KALRN: variants seen among roughly 807,000 people sequenced by gnomAD.
The protein encoded by KALRN is kalirin.
Under a neutral mutation model 353.7 loss-of-function variants are expected in KALRN, and 70 were observed. The observed-to-expected ratio is 0.20, with a 90% confidence interval of 0.16 to 0.24. The LOEUF is 0.24. KALRN is among the 10% of genes least tolerant of loss of function. The pLI, the probability that KALRN is intolerant of heterozygous loss-of-function variation, is 1.00. For missense variants in KALRN, 2,791 were observed against 3,756.7 expected, an observed-to-expected ratio of 0.74 and a Z score of 6.72; for synonymous variants, 1,391 against 1,434.8, an observed-to-expected ratio of 0.97 and a Z score of 0.69.
At position 124,719,708 on chromosome 3, in the gene KALRN, A is replaced by C. The variant is rs757043525; in HGVS notation, c.*238A>C. ...GAAATAAAGAGGCAAAGGGTCACAG[A>C]AGTGTTCAGAAGAAGGGCAAAGATA... On this transcript the variant is annotated 3_prime_UTR_variant, in exon 60 of 60. Coordinates refer to ENST00000682506, the MANE Select transcript of KALRN (RefSeq NM_001388419.1). This position sits in a 1 kb window ranked among gnomAD's most constrained non-coding sequence, Gnocchi z 5.3. 2.1e-6 allele frequency: 1 copy of C among 469,472 alleles called. No individual in the cohort carries two copies. The highest frequency in any genetic ancestry group is 3.8e-6 in the Non-Finnish European group (1 of 261,488). The allele number at this position is 469,472 out of a possible 1,614,324, so 29.1% of individuals were successfully genotyped here. A position where few individuals can be genotyped will look rare whatever the true frequency, so the allele number is the denominator to read the frequency against.
chr3:124,668,694 T>C (rs1161078615), intron 47 of KALRN, among the ~76,000 whole-genome samples: 1 of 152,232 alleles, frequency 6.6e-6, no homozygotes, highest in African/African-American at 2.4e-5. Flanking sequence ...CTAAGTGATC[T>C]CTAGGATTCT....
intron 1 of KALRN, among the ~76,000 whole-genome samples, chr3:124,215,644 G>A (rs954675094): frequency 6.6e-6 from 1 of 152,322 alleles, no homozygotes; most frequent in East Asian, 1.9e-4. Context: ...CAGAGACCCA[G>A]AGAGATTAAG....
At chr3:124,054,849 ATTTAAG>A (rs1402548185) in intron 1 of KALRN, among the ~76,000 whole-genome samples, 3 of 152,208 alleles carry the variant, frequency 2.0e-5, no homozygotes, top group Non-Finnish European at 2.9e-5. Flanking sequence ...CATTGGTTAA[ATTTAAG>A]TTTAACTTTG....
At chr3:124,433,095 G>A (rs1411926309) in intron 16 of KALRN, among the ~76,000 whole-genome samples, 1 of 152,170 alleles carries the variant, frequency 6.6e-6, no homozygotes, top group Admixed American at 6.5e-5. Context: ...CAAAGGGAGT[G>A]AAAGCAGTTG....
chr3:124,383,334 C>G (rs1417657700), intron 10 of KALRN, among the ~76,000 whole-genome samples: 9 of 152,208 alleles, frequency 5.9e-5, no homozygotes, highest in Non-Finnish European at 1.3e-4. Context: ...CACCACGAGA[C>G]TGTGACTTAG....
At chr3:124,371,852 A>G (rs1156713105) in intron 10 of KALRN, among the ~76,000 whole-genome samples, 2 of 152,192 alleles carry the variant, frequency 1.3e-5, no homozygotes, top group African/African-American at 4.8e-5. Flanking sequence ...TACTGACTAT[A>G]GTCATCCTAT....
intron 2 of KALRN, among the ~76,000 whole-genome samples, chr3:124,233,516 A>T (rs2079414835): frequency 1.3e-5 from 2 of 152,166 alleles, no homozygotes; most frequent in African/African-American, 2.4e-5. Context: ...ACACTTTTTC[A>T]TCAGGGCTGA....
Position 124,186,705 on chromosome 3 carries a change from G to A in KALRN, c.74-41285G>A, listed in dbSNP as rs114120164. On this transcript the variant is annotated intron_variant, in intron 1 of 59. Transcript: ENST00000682506. ...CAATAAACATGTTCCTCTTTCCCTA[G>A]GAGTAAAAACCCTCTCACAGTTCCC... 1.5e-3 allele frequency among the ~76,000 whole-genome samples: 229 copies of A among 152,266 alleles called. 3 individuals carry two copies. The highest frequency in any genetic ancestry group is 3.4e-3 in the Middle Eastern group (1 of 294).
chr3:124,611,870 A>G lies in KALRN; in HGVS notation c.5183-20550A>G, dbSNP rs77643554. Among the ~76,000 whole-genome samples, 735 of 152,300 alleles carry G rather than the reference A, an allele frequency of 4.8e-3. 2 individuals are homozygous for G. The highest frequency in any genetic ancestry group is 8.1e-3 in the Non-Finnish European group (549 of 68,028). ...CTGCCTTAGGATTTCTGCATAGTCTATGACCTTGGTAGAAAGCCTTATTTC... is the reference window on the plus strand; with the variant it reads ...CTGCCTTAGGATTTCTGCATAGTCTGTGACCTTGGTAGAAAGCCTTATTTC... On this transcript the variant is annotated intron_variant, in intron 34 of 59. Coordinates refer to ENST00000682506, the MANE Select transcript of KALRN (RefSeq NM_001388419.1).
At chr3:124,379,896 C>G (rs1012326510) in intron 10 of KALRN, among the ~76,000 whole-genome samples, 1 of 152,174 alleles carries the variant, frequency 6.6e-6, no homozygotes, top group South Asian at 2.1e-4. Context: ...AATGCCTATG[C>G]TTTTGTGTCT....
chr3:124,605,217 A>T (rs2077209008), intron 34 of KALRN, among the ~76,000 whole-genome samples: 1 of 151,708 alleles, frequency 6.6e-6, no homozygotes, highest in African/African-American at 2.4e-5. Context: ...AAGTTCTGAG[A>T]TTACAGGCAT....
At chr3:124,662,291 C>T (rs1334363593) in intron 45 of KALRN, among the ~76,000 whole-genome samples, 1 of 149,696 alleles carries the variant, frequency 6.7e-6, no homozygotes, top group African/African-American at 2.5e-5. Context: ...GCAGCCTCAG[C>T]CTCCTGGGCT....
intron 10 of KALRN, among the ~76,000 whole-genome samples, chr3:124,362,615 A>G (rs2084179438): frequency 6.6e-6 from 1 of 152,252 alleles, no homozygotes; most frequent in Admixed American, 6.5e-5. Context: ...CTATAATTAC[A>G]TATCTCCATG....
chr3:124,133,041 C>T (rs60763759), intron 1 of KALRN: 2,650 of 153,776 alleles, frequency 0.017, 63 homozygotes, highest in African/African-American at 0.059. Context: ...ACAGCACGGC[C>T]TTGAGGCAGC....
intron 9 of KALRN, among the ~76,000 whole-genome samples, chr3:124,342,428 G>T (rs569215511): frequency 7.9e-5 from 12 of 152,198 alleles, no homozygotes; most frequent in African/African-American, 2.9e-4. Flanking sequence ...TTCTGTACTT[G>T]ACTTGTTTTA....
At chr3:124,605,643 C>T (rs1382142902) in intron 34 of KALRN, among the ~76,000 whole-genome samples, 1 of 150,648 alleles carries the variant, frequency 6.6e-6, no homozygotes, top group Non-Finnish European at 1.5e-5. Flanking sequence ...GTCCTGTATC[C>T]AAATGGGGCC....
intron 1 of KALRN, among the ~76,000 whole-genome samples, chr3:124,195,321 G>A (rs1422072436): frequency 6.6e-6 from 1 of 152,170 alleles, no homozygotes; most frequent in Non-Finnish European, 1.5e-5. Flanking sequence ...CTCTTGGGAT[G>A]CTGCCTTTGC....
At chr3:124,716,589 A>G (rs535560110) in intron 58 of KALRN, among the ~76,000 whole-genome samples, 1 of 152,340 alleles carries the variant, frequency 6.6e-6, no homozygotes, top group South Asian at 2.1e-4. Flanking sequence ...CAGAGAATCA[A>G]TAATGCAAAG....
chr3:124,519,444 A>G (rs750834995), intron 33 of KALRN: 12 of 985,390 alleles, frequency 1.2e-5, no homozygotes, highest in Non-Finnish European at 1.4e-5. Flanking sequence ...ATTCCATTTC[A>G]TATATACACT....
Sources: gnomAD v4.1 joint callset for allele counts (sites outside exome capture counted in the v4.1 genomes callset) on GRCh38, gnomAD v4.1.1 for gene constraint, Gnocchi (gnomAD v3.1) non-coding constraint, MANE v1.5 for transcripts, NCBI Gene and HGNC (gene_info 2026-07-23, HGNC 2026-07-21) for gene names.